The following CLPP variants were observed in gnomAD, a reference collection of about 807,000 sequenced individuals.
The protein encoded by CLPP is caseinolytic mitochondrial matrix peptidase proteolytic subunit.
A neutral mutation model predicts 27.4 loss-of-function variants in CLPP; 14 were observed. That is an observed-to-expected ratio of 0.51 (90% CI 0.34 to 0.80). The LOEUF (loss-of-function observed/expected upper bound fraction) is 0.80. Among genes scored for constraint, CLPP ranks in the 30% least tolerant of loss-of-function variants. The probability of loss-of-function intolerance (pLI) is 0.02; values close to 1 mark genes in which losing one functional copy is unlikely to be tolerated. For synonymous variants in CLPP, 193 were observed against 166.6 expected (o/e 1.16, Z -1.22); for missense variants, 361 against 403.6 (o/e 0.89, Z 0.90).
At chr19:6,363,184 G>A (rs993168858) in intron 3 of CLPP, among the ~76,000 whole-genome samples, 16 of 147,342 alleles carry the variant, frequency 1.1e-4, no homozygotes, top group African/African-American at 4.2e-4. Context: ...GGAGTGCAGT[G>A]TTGCAATCTC....
chr19:6,362,509 A>G lies in CLPP; in HGVS notation c.334A>G (p.Lys112Glu). Residue 112 changes from lysine (K) to glutamate (E), a missense_variant, in exon 3 of 6, where the codon AAG (lysine) becomes GAG (glutamate). Physicochemically the swap from Lys to Glu is moderately conservative, Grantham distance 56. Around this residue, in one of 2 missense-constraint regions of CLPP, gnomAD observed 213 missense variants for 280.9 expected, o/e 0.76. Transcript: ENST00000245816. ...QLLFLQSESN[K>E]KPIHMYINSP... ...CCTCTTCCTGCAATCCGAGAGCAAC[A>G]AGAAGCCCATCCACATGTACATCAA... 6.2e-7 allele frequency: 1 copy of G among 1,613,844 alleles called. No individual in the cohort carries two copies. Among genetic ancestry groups the G allele is most frequent in the East Asian group, 2.2e-5 (1 of 44,858 alleles).
intron 4 of CLPP, chr19:6,364,889 C>T (rs1008578983): frequency 5.3e-5 from 21 of 396,416 alleles, no homozygotes; most frequent in South Asian, 2.6e-4. Context: ...CCACCACGCT[C>T]GGCTTTTTGT....
In CLPP at chr19:6,364,470, GC is replaced by G; in HGVS notation, c.388del (p.Leu130TrpfsTer47). 6.2e-7 allele frequency: 1 copy of G among 1,609,194 alleles called. No homozygotes were observed. Among genetic ancestry groups the G allele is most frequent in the Non-Finnish European group, 8.5e-7 (1 of 1,178,956 alleles). On this transcript the variant is annotated frameshift_variant, in exon 4 of 6. Transcript: ENST00000245816. LOFTEE classifies it high-confidence loss of function. ...INSPGGVVTAGLAIYDTMQYI... is the reference protein window; with the variant it reads ...INSPGGVVTAXLAIYDTMQYI... ...CCCACAGGTGGTGTGGTGACCGCGGGCCTGGCCATCTACGACACGATGCAGT... is the reference window on the plus strand; with the variant it reads ...CCCACAGGTGGTGTGGTGACCGCGGGCTGGCCATCTACGACACGATGCAGT...
At position 6,364,457 on chromosome 19, in the gene CLPP, G is replaced by T; in HGVS notation, c.373G>T (p.Val125Leu). 2 of 1,606,812 alleles carry T rather than the reference G, an allele frequency of 1.2e-6. No homozygotes were observed. The highest frequency in any genetic ancestry group is 1.7e-5 in the Admixed American group (1 of 59,460). Reference sequence around the variant, plus strand: ...ACTTGCTCCCCCGCCCACAGGTGGTGTGGTGACCGCGGGCCTGGCCATCTA... The same window carrying T: ...ACTTGCTCCCCCGCCCACAGGTGGTTTGGTGACCGCGGGCCTGGCCATCTA... Reference protein sequence around the residue: ...IHMYINSPGGVVTAGLAIYDT... With the variant: ...IHMYINSPGGLVTAGLAIYDT... Residue 125 changes from valine (V) to leucine (L), a missense_variant, in exon 4 of 6, where the codon GTG becomes TTG. Physicochemically the swap from Val to Leu is conservative, Grantham distance 32 (BLOSUM62 1). Around this residue, in one of 2 missense-constraint regions of CLPP, gnomAD observed 213 missense variants for 280.9 expected, o/e 0.76. Coordinates refer to ENST00000245816, the MANE Select transcript of CLPP (RefSeq NM_006012.4).
chr19:6,364,959 C>A (rs530149429), intron 4 of CLPP: 92 of 229,216 alleles, frequency 4.0e-4, no homozygotes, highest in Middle Eastern at 3.2e-3. Flanking sequence ...CTCCTGACCT[C>A]GTGATCCGCC....
At chr19:6,366,114 G>A (rs2091861066) in intron 4 of CLPP, 144 bp from the exon 5 acceptor site, 1 of 607,486 alleles carries the variant, frequency 1.6e-6, no homozygotes, top group Non-Finnish European at 3.0e-6. Flanking sequence ...CAGGATATCG[G>A]GGGATTTACA....
rs1459096976 is a variant in CLPP, at chr19:6,361,612, C to A, written c.38C>A (p.Ala13Glu). ...PGILVGGARV[A>E]SCRYPALGPR... ...ATATTGGTAGGGGGGGCCCGGGTGG[C>A]GTCATGCAGGTACCCCGCGCTGGGG... Residue 13 changes from alanine (A) to glutamate (E), a missense_variant, in exon 1 of 6, where the codon GCG becomes GAG. By Grantham distance (107) the Ala-to-Glu change is moderately radical (BLOSUM62 -1). Around this residue, in one of 2 missense-constraint regions of CLPP, gnomAD observed 148 missense variants for 122.6 expected, o/e 1.21. Coordinates refer to ENST00000245816, the MANE Select transcript of CLPP (RefSeq NM_006012.4). 7.1e-7 allele frequency: 1 copy of A among 1,415,696 alleles called. No homozygotes were observed. Among genetic ancestry groups the A allele is most frequent in the Non-Finnish European group, 9.2e-7 (1 of 1,084,518 alleles). 87.7% of individuals were successfully genotyped at this position (1,415,696 alleles called of 1,614,324 possible).
rs1442076406 is a variant in CLPP, at chr19:6,368,727, C to T, written c.*17C>T. On this transcript the variant is annotated 3_prime_UTR_variant, in exon 6 of 6. Transcript: ENST00000245816. Reference sequence around the variant, plus strand: ...AGCACCTGAGAGCTGGGCCTCCTCTCCAGAATCATGTGGAGGGGCCAGAGG... The same window carrying T: ...AGCACCTGAGAGCTGGGCCTCCTCTTCAGAATCATGTGGAGGGGCCAGAGG... 5.2e-6 allele frequency: 8 copies of T among 1,548,162 alleles called. No homozygotes were observed. Among genetic ancestry groups the T allele is most frequent in the Non-Finnish European group, 7.0e-6 (8 of 1,146,504 alleles).
At chr19:6,362,221 C>A in intron 2 of CLPP, 1 of 602,870 alleles carries the variant, frequency 1.7e-6, no homozygotes, top group East Asian at 2.8e-5. Flanking sequence ...TCACCCCTTC[C>A]TTTCCTGTGT....
At position 6,361,664 on chromosome 19, in the gene CLPP, G is replaced by A. The variant is rs2145047516; in HGVS notation, c.90G>A (p.Ala30=). 2 of 1,427,560 alleles carry A rather than the reference G, an allele frequency of 1.4e-6. No individual in the cohort carries two copies. Among genetic ancestry groups the A allele is most frequent in the Non-Finnish European group, 1.8e-6 (2 of 1,091,762 alleles). 88.4% of individuals were successfully genotyped at this position (1,427,560 alleles called of 1,614,324 possible). ...LGPRLAAHFP[A]QRPPQRTLQN... ...CTCGCCTCGCCGCTCACTTTCCAGCGCAGCGGCCGCCGCAGCGGACACTCC... is the reference window on the plus strand; with the variant it reads ...CTCGCCTCGCCGCTCACTTTCCAGCACAGCGGCCGCCGCAGCGGACACTCC... The change falls in exon 1 of 6, where the codon GCG becomes GCA. Residue 30 remains alanine (A), a synonymous_variant. Transcript: ENST00000245816.
chr19:6,362,567 C>T (rs756067553), intron 3 of CLPP, 25 bp downstream of exon 3: 1 of 1,525,808 alleles, frequency 6.6e-7, no homozygotes, highest in South Asian at 1.1e-5. Context: ...TCCTGGGTGC[C>T]AGGGGCACTC....
At position 6,364,438 on chromosome 19, in the gene CLPP, TCC is replaced by T; in HGVS notation, c.368-10_368-9del. ...GGAGCTGGTCCAGCCCCTCACTTGCTCCCCCGCCCACAGGTGGTGTGGTGACC... is the reference window on the plus strand; with the variant it reads ...GGAGCTGGTCCAGCCCCTCACTTGCTCCCGCCCACAGGTGGTGTGGTGACC... On this transcript the variant is annotated splice_polypyrimidine_tract_variant and intron_variant, in intron 3 of 5. Coordinates refer to ENST00000245816, the MANE Select transcript of CLPP (RefSeq NM_006012.4). The T allele has an allele frequency of 6.3e-7, 1 of 1,598,888 alleles. No homozygotes were observed. Among genetic ancestry groups the T allele is most frequent in the Non-Finnish European group, 8.5e-7 (1 of 1,174,572 alleles).
Position 6,362,517 on chromosome 19 carries a change from C to A in CLPP, c.342C>A (p.Pro114=), listed in dbSNP as rs775854822. 3.7e-6 allele frequency: 6 copies of A among 1,613,730 alleles called. No homozygotes were observed. Among genetic ancestry groups the A allele is most frequent in the Non-Finnish European group, 5.1e-6 (6 of 1,179,786 alleles). ...TGCAATCCGAGAGCAACAAGAAGCCCATCCACATGTACATCAACAGCCCTG... is the reference window on the plus strand; with the variant it reads ...TGCAATCCGAGAGCAACAAGAAGCCAATCCACATGTACATCAACAGCCCTG... ...LFLQSESNKK[P]IHMYINSPGG... The change falls in exon 3 of 6, where the codon CCC becomes CCA. Residue 114 remains proline (P), a synonymous_variant. Coordinates refer to ENST00000245816, the MANE Select transcript of CLPP (RefSeq NM_006012.4).
chr19:6,363,877 A>G (rs1198220387), intron 3 of CLPP, among the ~76,000 whole-genome samples: 1 of 146,178 alleles, frequency 6.8e-6, no homozygotes, highest in Non-Finnish European at 1.5e-5. Context: ...CCTACGTGAC[A>G]GTGAGACTCA....
Position 6,369,345 on chromosome 19 carries a change from G to A in CLPP, c.*635G>A, listed in dbSNP as rs753821845. On this transcript the variant is annotated 3_prime_UTR_variant, in exon 6 of 6. Coordinates refer to ENST00000245816, the MANE Select transcript of CLPP (RefSeq NM_006012.4). ...GCAGAAGAATTGCTTGAACTTAGGA[G>A]GTGGAGGTTGCAGTGAGCAGGATCA... Among the ~76,000 whole-genome samples, 2 of 151,924 alleles carry A rather than the reference G, an allele frequency of 1.3e-5. No individual in the cohort carries two copies. The highest frequency in any genetic ancestry group is 2.9e-5 in the Non-Finnish European group (2 of 68,000).
At chr19:6,366,448 T>TACAC in intron 5 of CLPP, 85 bp downstream of exon 5, 1 of 1,037,512 alleles carries the variant, frequency 9.6e-7, no homozygotes, top group South Asian at 1.4e-5. Flanking sequence ...ACCTGGCCCC[T>TACAC]GCGGACTTTC....
Position 6,368,948 on chromosome 19 carries a change from A to G in CLPP, c.*238A>G, listed in dbSNP as rs2091875029. On this transcript the variant is annotated 3_prime_UTR_variant, in exon 6 of 6. Transcript: ENST00000245816. Reference sequence around the variant, plus strand: ...TCCCTTCTGCACCATGACAGCGTGTACACATCTGTGTTTCACAGGCCCCTT... The same window carrying G: ...TCCCTTCTGCACCATGACAGCGTGTGCACATCTGTGTTTCACAGGCCCCTT... The G allele has an allele frequency of 1.8e-6, 1 of 542,544 alleles. No individual in the cohort carries two copies. The allele number at this position is 542,544 out of a possible 1,614,324, so 33.6% of individuals were successfully genotyped here. A position where few individuals can be genotyped will look rare whatever the true frequency, so the allele number is the denominator to read the frequency against.
At chr19:6,362,054 A>G (rs1269191176) in intron 2 of CLPP, 114 bp downstream of exon 2, 3 of 954,694 alleles carry the variant, frequency 3.1e-6, no homozygotes, top group East Asian at 5.6e-5. Context: ...TCCCCTTCTA[A>G]CCCCCTTCCC....
chr19:6,368,788 TG>T lies in CLPP; in HGVS notation c.*79del. 1.4e-6 allele frequency: 2 copies of T among 1,385,024 alleles called. No homozygotes were observed. Among genetic ancestry groups the T allele is most frequent in the Non-Finnish European group, 2.0e-6 (2 of 1,025,380 alleles). 85.8% of individuals were successfully genotyped at this position (1,385,024 alleles called of 1,614,324 possible). A position where few individuals can be genotyped will look rare whatever the true frequency, so the allele number is the denominator to read the frequency against. On this transcript the variant is annotated 3_prime_UTR_variant, in exon 6 of 6. Transcript: ENST00000245816. The stretch of plus-strand genomic sequence containing the variant: ...CCCCAGCTGGGCCCTGCTCACCCCT[TG>T]TTGCTGGGCTTGGAGGGGCCTCTTG...
Sources: gnomAD v4.1 joint callset for allele counts (sites outside exome capture counted in the v4.1 genomes callset) on GRCh38, gnomAD v4.1.1 for gene constraint, gnomAD v4.1.1 regional missense constraint, MANE v1.5 for transcripts, NCBI Gene and HGNC (gene_info 2026-07-23, HGNC 2026-07-21) for gene names.